RCAN2: variants seen among roughly 807,000 people sequenced by gnomAD.
RCAN2 encodes the protein calcipressin-2.
In RCAN2, 9 loss-of-function variants were observed where a neutral mutation model predicts 23.6. That is an observed-to-expected ratio of 0.38 (90% CI 0.23 to 0.67). The LOEUF is 0.67. RCAN2 is among the 30% of genes least tolerant of loss of function. The probability of loss-of-function intolerance (pLI) is 0.51; values close to 1 mark genes in which losing one functional copy is unlikely to be tolerated. For missense variants in RCAN2, 273 were observed against 302.3 expected (o/e 0.90, Z 0.72); for synonymous variants, 109 against 115.7 (o/e 0.94, Z 0.37).
chr6:46,459,540 T>C (rs913737375), intron 1 of RCAN2, among the ~76,000 whole-genome samples: 5 of 152,202 alleles, frequency 3.3e-5, no homozygotes, highest in African/African-American at 1.2e-4. Flanking sequence ...TCAGTAAAGA[T>C]TTAAGGGTGA....
rs116005771 is a variant in RCAN2, at chr6:46,319,431, T to C, written c.226-70535A>G. Among the ~76,000 whole-genome samples the C allele has an allele frequency of 3.1e-3, 471 of 152,352 alleles. 3 individuals are homozygous for C. The highest frequency in any genetic ancestry group is 0.011 in the African/African-American group (447 of 41,598). The stretch of plus-strand genomic sequence containing the variant: ...CTGTTTTGTTTTAATATATCTGACA[T>C]TTAGGTTAGAGGTAGCAACTGCCAA... On this transcript the variant is annotated intron_variant, in intron 2 of 4. Coordinates refer to ENST00000371374, the MANE Select transcript of RCAN2 (RefSeq NM_001251974.2).
At chr6:46,425,765 C>T (rs2150414376) in intron 2 of RCAN2, among the ~76,000 whole-genome samples, 1 of 152,014 alleles carries the variant, frequency 6.6e-6, no homozygotes, top group African/African-American at 2.4e-5. Flanking sequence ...TCTTCAGAAG[C>T]TCAGCCATCC....
intron 1 of RCAN2, among the ~76,000 whole-genome samples, chr6:46,459,055 G>A (rs752206694): frequency 3.6e-4 from 54 of 152,072 alleles, no homozygotes; most frequent in Non-Finnish European, 5.3e-4. Context: ...GTGCTACCAC[G>A]CCCGGTTAGT....
intron 2 of RCAN2, among the ~76,000 whole-genome samples, chr6:46,294,396 T>C (rs1000045415): frequency 6.6e-6 from 1 of 152,108 alleles, no homozygotes; most frequent in Non-Finnish European, 1.5e-5. Context: ...TGGAAAGCAA[T>C]TGGTAAAGTA....
At chr6:46,362,243 G>A (rs556056805) in intron 2 of RCAN2, among the ~76,000 whole-genome samples, 99 of 152,082 alleles carry the variant, frequency 6.5e-4, no homozygotes, top group Middle Eastern at 3.4e-3. Flanking sequence ...AAAAAATATC[G>A]TCTTTTTCTT....
At chr6:46,327,582 G>C (rs797008294) in intron 2 of RCAN2, among the ~76,000 whole-genome samples, 6 of 152,284 alleles carry the variant, frequency 3.9e-5, no homozygotes, top group African/African-American at 1.4e-4. Context: ...AAAATGTAAA[G>C]TAATACAAAG....
At chr6:46,477,513 A>T (rs1328793075) in intron 1 of RCAN2, among the ~76,000 whole-genome samples, 1 of 152,160 alleles carries the variant, frequency 6.6e-6, no homozygotes, top group Non-Finnish European at 1.5e-5. Flanking sequence ...CAGTTTCCTC[A>T]TCTGTCAAAT....
intron 2 of RCAN2, among the ~76,000 whole-genome samples, chr6:46,442,078 C>T (rs1767564233): frequency 2.0e-5 from 3 of 152,088 alleles, no homozygotes; most frequent in Admixed American, 2.0e-4. Context: ...AATTTCATGC[C>T]CACCAAACTG....
intron 2 of RCAN2, among the ~76,000 whole-genome samples, chr6:46,358,340 C>T (rs1026175986): frequency 1.3e-5 from 2 of 152,152 alleles, no homozygotes; most frequent in African/African-American, 4.8e-5. Context: ...CCAGGGCTTC[C>T]CTGGGACAGC....
chr6:46,404,899 C>A (rs529494175), intron 2 of RCAN2, among the ~76,000 whole-genome samples: 8 of 152,238 alleles, frequency 5.3e-5, no homozygotes, highest in African/African-American at 1.9e-4. Flanking sequence ...CTGAAGAAAA[C>A]CAATTATGTT....
intron 2 of RCAN2, among the ~76,000 whole-genome samples, chr6:46,403,290 T>C (rs1766311418): frequency 6.6e-6 from 1 of 151,892 alleles, no homozygotes; most frequent in African/African-American, 2.4e-5. Context: ...AAAAATTCTG[T>C]GGCTGGGCAC....
intron 2 of RCAN2, among the ~76,000 whole-genome samples, chr6:46,421,033 T>C (rs753223438): frequency 2.0e-5 from 3 of 152,214 alleles, no homozygotes; most frequent in Non-Finnish European, 4.4e-5. Context: ...TAGAGGATAT[T>C]CAGTAAGTTC....
intron 2 of RCAN2, among the ~76,000 whole-genome samples, chr6:46,452,412 A>G (rs1400565743): frequency 1.3e-5 from 2 of 152,238 alleles, no homozygotes; most frequent in African/African-American, 4.8e-5. Context: ...TTACATGTTC[A>G]TGATAGGTTA....
chr6:46,466,754 CG>C (rs558429882), intron 1 of RCAN2, among the ~76,000 whole-genome samples: 105 of 152,260 alleles, frequency 6.9e-4, no homozygotes, highest in African/African-American at 2.4e-3. Context: ...GCCTCATCAA[CG>C]CTGAAAAAAA....
At chr6:46,323,814 T>A (rs561264773) in intron 2 of RCAN2, among the ~76,000 whole-genome samples, 2 of 152,362 alleles carry the variant, frequency 1.3e-5, no homozygotes, top group South Asian at 4.1e-4. Context: ...ATATGCCATA[T>A]AAGCATATTT....
At chr6:46,446,410 G>A (rs2150425854) in intron 2 of RCAN2, among the ~76,000 whole-genome samples, 1 of 152,170 alleles carries the variant, frequency 6.6e-6, no homozygotes, top group South Asian at 2.1e-4. Context: ...AAAGCTGACA[G>A]TTTATCACCA....
At chr6:46,259,401 C>T (rs1052450499) in intron 2 of RCAN2, among the ~76,000 whole-genome samples, 17 of 152,108 alleles carry the variant, frequency 1.1e-4, no homozygotes, top group Admixed American at 5.2e-4. Context: ...GGAAATATGC[C>T]CAAGAGAGTG....
rs113490820 is a variant in RCAN2, at chr6:46,458,900, T to TGCGC, written c.-2-1923_-2-1922insGCGC. Among the ~76,000 whole-genome samples, 764 of 119,430 alleles carry TGCGC rather than the reference T, an allele frequency of 6.4e-3. 6 individuals are homozygous for TGCGC. The highest frequency in any genetic ancestry group is 0.02 in the African/African-American group (730 of 36,874). The allele number at this position is 119,430 out of a possible 152,430, so 78.4% of individuals were successfully genotyped here. A position where few individuals can be genotyped will look rare whatever the true frequency, so the allele number is the denominator to read the frequency against. On this transcript the variant is annotated intron_variant, in intron 1 of 4. Transcript: ENST00000371374. ...TTACAGGAAAACGCGCGCGCACGTG[T>TGCGC]GTGTGTGTGTGATGGAGTTTTGCTC... is the stretch of plus-strand genomic sequence containing the variant.
chr6:46,439,908 T>C (rs895485358), intron 2 of RCAN2, among the ~76,000 whole-genome samples: 19 of 152,262 alleles, frequency 1.2e-4, no homozygotes, highest in Admixed American at 2.6e-4. Flanking sequence ...GTGAAACGAC[T>C]TTCCTTTCAT....
Sources: gnomAD v4.1 joint callset for allele counts (sites outside exome capture counted in the v4.1 genomes callset) on GRCh38, gnomAD v4.1.1 for gene constraint, MANE v1.5 for transcripts, NCBI Gene and HGNC (gene_info 2026-07-23, HGNC 2026-07-21) for gene names.